MED12L: variants seen among roughly 807,000 people sequenced by gnomAD.
MED12L encodes the protein mediator of RNA polymerase II transcription subunit 12-like protein.
MED12L carries 60 observed loss-of-function variants against 281.3 expected under a neutral mutation model. The observed-to-expected ratio is 0.21, with a 90% CI of 0.17 to 0.26. The LOEUF (loss-of-function observed/expected upper bound fraction) is 0.26. MED12L is among the 10% of genes least tolerant of loss of function. The pLI is 1.00. For missense variants in MED12L, 2,146 were observed against 2,680.9 expected (o/e 0.80, Z 4.41); for synonymous variants, 974 against 987.2 (o/e 0.99, Z 0.25).
chr3:151,383,984 G>A (rs1429889193), intron 34 of MED12L, 96 bp downstream of exon 34: 7 of 1,483,906 alleles, frequency 4.7e-6, no homozygotes, highest in South Asian at 1.2e-5. Context: ...TTATTTACTT[G>A]GATGCTATTA....
intron 16 of MED12L, among the ~76,000 whole-genome samples, chr3:151,220,291 AG>A (rs920162686): frequency 6.6e-6 from 1 of 151,962 alleles, no homozygotes; most frequent in Admixed American, 6.6e-5. Context: ...TCTGATAGGA[AG>A]AGGATAGGTT....
chr3:151,413,635 T>G (rs1717205260), intron 42 of MED12L, among the ~76,000 whole-genome samples: 1 of 152,162 alleles, frequency 6.6e-6, no homozygotes, highest in Non-Finnish European at 1.5e-5. Flanking sequence ...TTTAAAAGTG[T>G]CATAAATGTG....
At chr3:151,166,106 A>G in intron 11 of MED12L, 124 bp downstream of exon 11, 1 of 713,488 alleles carries the variant, frequency 1.4e-6, no homozygotes, top group Non-Finnish European at 2.2e-6. Context: ...AGACATACAC[A>G]CTTGAAATCA....
At chr3:151,319,460 T>C (rs929812946) in intron 16 of MED12L, among the ~76,000 whole-genome samples, 13 of 96,394 alleles carry the variant, frequency 1.3e-4, no homozygotes, top group African/African-American at 1.6e-4. Flanking sequence ...GGTGTGTGTG[T>C]GTGTGTGCGT....
At chr3:151,256,476 T>C (rs1737830795) in intron 16 of MED12L, among the ~76,000 whole-genome samples, 1 of 152,198 alleles carries the variant, frequency 6.6e-6, no homozygotes, top group African/African-American at 2.4e-5. Flanking sequence ...TCCCACCCTG[T>C]CTCCACAGGG....
At chr3:151,206,546 T>G (rs1370689343) in intron 16 of MED12L, among the ~76,000 whole-genome samples, 1 of 152,000 alleles carries the variant, frequency 6.6e-6, no homozygotes, top group East Asian at 1.9e-4. Context: ...TTTTAAAGAT[T>G]ATCTCGTTTC....
chr3:151,088,851 T>A (rs1158845427), intron 2 of MED12L, among the ~76,000 whole-genome samples: 1 of 152,226 alleles, frequency 6.6e-6, no homozygotes, highest in African/African-American at 2.4e-5. Context: ...AAACTAATAC[T>A]GCTTTGAGGA....
intron 20 of MED12L, among the ~76,000 whole-genome samples, chr3:151,358,687 G>C (rs1001255968): frequency 2.0e-5 from 3 of 151,960 alleles, no homozygotes; most frequent in Admixed American, 6.6e-5. Flanking sequence ...CATTAACTTT[G>C]TTGTATTTTT....
In MED12L at chr3:151,416,426, A is replaced by AGGCC; in HGVS notation, c.6408+5_6408+8dup. On this transcript the variant is annotated splice_donor_region_variant and intron_variant, in intron 43 of 44. Transcript: ENST00000687756. Reference sequence around the variant, plus strand: ...AATGCAGCCCCAGCAGCCCTTGGTAAGGCCTGTTGTTTTGGAATCAGACAT... The same window carrying AGGCC: ...AATGCAGCCCCAGCAGCCCTTGGTAAGGCCGGCCTGTTGTTTTGGAATCAGACAT... The AGGCC allele has an allele frequency of 6.2e-7, 1 of 1,613,464 alleles. No individual in the cohort carries two copies. The highest frequency in any genetic ancestry group is 8.5e-7 in the Non-Finnish European group (1 of 1,179,668).
At chr3:151,327,735 A>T (rs1294649332) in intron 16 of MED12L, 6 of 52,142 alleles carry the variant, frequency 1.2e-4, no homozygotes, top group Non-Finnish European at 2.0e-4. Flanking sequence ...TCTTGAAATT[A>T]AAAAAAAAAA....
chr3:151,150,499 G>T (rs1441032564), intron 5 of MED12L, among the ~76,000 whole-genome samples: 1 of 152,058 alleles, frequency 6.6e-6, no homozygotes, highest in African/African-American at 2.4e-5. Flanking sequence ...ATTCTTAAAG[G>T]CTATAGGCTT....
intron 16 of MED12L, among the ~76,000 whole-genome samples, chr3:151,275,801 T>A (rs1216259513): frequency 6.6e-6 from 1 of 152,170 alleles, no homozygotes; most frequent in East Asian, 1.9e-4. Flanking sequence ...ATAGTTTGGT[T>A]GTAGGTATTT....
chr3:151,269,860 G>A (rs1740546079), intron 16 of MED12L: 1 of 457,692 alleles, frequency 2.2e-6, no homozygotes, highest in African/African-American at 2.0e-5. Context: ...GCAGGAAGAG[G>A]CAGCACGAAG....
intron 16 of MED12L, chr3:151,328,086 AT>A (rs748310083): frequency 6.2e-7 from 1 of 1,609,834 alleles, no homozygotes; most frequent in South Asian, 1.1e-5. Flanking sequence ...TTTTCTGTGA[AT>A]TTTTTACATA....
At position 151,435,570 on chromosome 3, in the gene MED12L, G is replaced by GAGAT. The variant is rs1400246107; in HGVS notation, c.*2768_*2771dup. The GAGAT allele has an allele frequency of 6.6e-6, 1 of 152,128 alleles. No individual in the cohort carries two copies. Among genetic ancestry groups the GAGAT allele is most frequent in the Non-Finnish European group, 1.5e-5 (1 of 68,024 alleles). 9.4% of individuals were successfully genotyped at this position (152,128 alleles called of 1,614,324 possible). A position where few individuals can be genotyped will look rare whatever the true frequency, so the allele number is the denominator to read the frequency against. On this transcript the variant is annotated 3_prime_UTR_variant, in exon 45 of 45. Transcript: ENST00000687756. ...TTAGTAATTCTCGGTTTTGTGCACT[G>GAGAT]AGATATCTAAGACCTATGGCATTTT...
chr3:151,289,930 G>A (rs1392091385), intron 16 of MED12L, among the ~76,000 whole-genome samples: 1 of 151,790 alleles, frequency 6.6e-6, no homozygotes, highest in African/African-American at 2.4e-5. Flanking sequence ...ACGTGGGCTG[G>A]GGTGCAGTGG....
intron 16 of MED12L, among the ~76,000 whole-genome samples, chr3:151,255,278 G>T (rs80121514): frequency 6.6e-6 from 1 of 152,064 alleles, no homozygotes; most frequent in Admixed American, 6.6e-5. Flanking sequence ...TGCTGTTTTG[G>T]GATTTATACT....
intron 16 of MED12L, among the ~76,000 whole-genome samples, chr3:151,345,517 C>CTTTTTTTTTTTTTTTTTTTTTTTT (rs201731496): frequency 7.6e-6 from 1 of 131,654 alleles, no homozygotes; most frequent in Non-Finnish European, 1.6e-5. Flanking sequence ...TTTTCTTTTT[C>CTTTTTTTTTTTTTTTTTTTTTTTT]TTTTTTTTTT....
intron 16 of MED12L, among the ~76,000 whole-genome samples, chr3:151,276,106 G>T (rs950046225): frequency 6.6e-6 from 1 of 152,216 alleles, no homozygotes; most frequent in Non-Finnish European, 1.5e-5. Context: ...TTTCAATTAT[G>T]CCCAGACAAC....
Sources: gnomAD v4.1 joint callset for allele counts (sites outside exome capture counted in the v4.1 genomes callset) on GRCh38, gnomAD v4.1.1 for gene constraint, MANE v1.5 for transcripts, NCBI Gene and HGNC (gene_info 2026-07-23, HGNC 2026-07-21) for gene names.